The following PRKG1 variants were observed in gnomAD, a reference collection of about 807,000 sequenced individuals.
PRKG1 encodes the protein protein kinase cGMP-dependent 1, also known as cGMP-dependent protein kinase 1.
In PRKG1, 35 loss-of-function variants were observed where a neutral mutation model predicts 88.1. The ratio of observed to expected loss-of-function variants is 0.40; its 90% CI spans 0.30 to 0.53. PRKG1 has a LOEUF of 0.53. PRKG1 is among the 20% of genes least tolerant of loss of function. PRKG1 has a pLI of 0.59. For missense variants in PRKG1, 540 were observed against 839.8 expected (o/e 0.64, Z 4.41); for synonymous variants, 303 against 292.5 (o/e 1.04, Z -0.37).
At chr10:51,005,357 A>G (rs1190031253) in intron 1 of PRKG1, among the ~76,000 whole-genome samples, 1 of 152,192 alleles carries the variant, frequency 6.6e-6, no homozygotes, top group Admixed American at 6.5e-5. Flanking sequence ...GTAAGTTTAT[A>G]GTGCCTCTTG....
chr10:51,725,302 A>G (rs1842104569), intron 3 of PRKG1, among the ~76,000 whole-genome samples: 1 of 152,166 alleles, frequency 6.6e-6, no homozygotes. Flanking sequence ...TGCACTGGCC[A>G]TTTCCTTCCA....
intron 3 of PRKG1, among the ~76,000 whole-genome samples, chr10:51,760,283 G>A (rs1044070797): frequency 6.6e-5 from 10 of 152,076 alleles, no homozygotes; most frequent in Non-Finnish European, 1.5e-4. Context: ...ATCACTGACT[G>A]TCAGTAAGCA....
chr10:51,106,024 T>A (rs1171274136), intron 1 of PRKG1, among the ~76,000 whole-genome samples: 1 of 152,196 alleles, frequency 6.6e-6, no homozygotes, highest in African/African-American at 2.4e-5. Context: ...TTTCCCAACA[T>A]GATTTCCACT....
intron 2 of PRKG1, among the ~76,000 whole-genome samples, chr10:51,337,351 G>T (rs557091673): frequency 5.1e-4 from 78 of 152,190 alleles, no homozygotes; most frequent in African/African-American, 1.9e-3. Context: ...ATAGGCAAAG[G>T]CAGAAACTTC....
chr10:51,952,822 T>C (rs765199802), intron 5 of PRKG1, among the ~76,000 whole-genome samples: 12 of 152,160 alleles, frequency 7.9e-5, no homozygotes, highest in Non-Finnish European at 1.6e-4. Context: ...AAAATAATTA[T>C]GTATCTCAAA....
intron 2 of PRKG1, among the ~76,000 whole-genome samples, chr10:51,195,349 C>A (rs1837736051): frequency 6.6e-6 from 1 of 152,136 alleles, no homozygotes; most frequent in African/African-American, 2.4e-5. Flanking sequence ...CTCCTTAATT[C>A]AGTTCAAACG....
intron 1 of PRKG1, among the ~76,000 whole-genome samples, chr10:51,020,032 T>C (rs1045258206): frequency 6.6e-6 from 1 of 152,156 alleles, no homozygotes; most frequent in Non-Finnish European, 1.5e-5. Flanking sequence ...AAATTGGAAG[T>C]CTTGTGTGTT....
intron 3 of PRKG1, among the ~76,000 whole-genome samples, chr10:51,525,184 G>A (rs1841846803): frequency 6.7e-6 from 1 of 150,300 alleles, no homozygotes; most frequent in African/African-American, 2.5e-5. Flanking sequence ...AAGAGGAGGA[G>A]GGAGAGTAGG....
At chr10:51,211,496 C>A (rs145559334) in intron 2 of PRKG1, among the ~76,000 whole-genome samples, 1,530 of 152,112 alleles carry the variant, frequency 0.01, 31 homozygotes, top group African/African-American at 0.035. Flanking sequence ...GAATAAAGGG[C>A]ATTCAATTAG....
intron 8 of PRKG1, among the ~76,000 whole-genome samples, chr10:52,159,529 C>A (rs1838224224): frequency 6.6e-6 from 1 of 151,596 alleles, no homozygotes. Context: ...AAAACTCCAT[C>A]TAGCATAACC....
At chr10:51,512,267 A>G (rs1240050663) in intron 3 of PRKG1, among the ~76,000 whole-genome samples, 1 of 147,890 alleles carries the variant, frequency 6.8e-6, no homozygotes, top group African/African-American at 2.5e-5. Context: ...ATATGTATAC[A>G]TGTGCCATGC....
At chr10:52,008,771 T>C (rs1287038994) in intron 5 of PRKG1, among the ~76,000 whole-genome samples, 3 of 151,744 alleles carry the variant, frequency 2.0e-5, no homozygotes, top group African/African-American at 7.2e-5. Context: ...GTAATAGATA[T>C]AAAAATCCTC....
chr10:51,894,239 G>A (rs1937667), intron 4 of PRKG1, among the ~76,000 whole-genome samples: 110,721 of 152,086 alleles, frequency 0.73, 40,498 homozygotes, highest in African/African-American at 0.79. Flanking sequence ...CTTCCTGCAC[G>A]TTAAAATTAT....
At chr10:51,904,634 G>C (rs2132940339) in intron 4 of PRKG1, among the ~76,000 whole-genome samples, 1 of 152,154 alleles carries the variant, frequency 6.6e-6, no homozygotes, top group East Asian at 1.9e-4. Context: ...TATTTTTCCT[G>C]TTAAATGGTT....
At chr10:51,755,980 C>T (rs1589260842) in intron 3 of PRKG1, among the ~76,000 whole-genome samples, 1 of 152,134 alleles carries the variant, frequency 6.6e-6, no homozygotes, top group South Asian at 2.1e-4. Context: ...TTGCATTTAT[C>T]GTTATTTAAA....
At chr10:52,100,652 AGAGACTACT>A (rs2132565251) in intron 7 of PRKG1, among the ~76,000 whole-genome samples, 1 of 152,326 alleles carries the variant, frequency 6.6e-6, no homozygotes, top group African/African-American at 2.4e-5. Flanking sequence ...TCTGTTGCCA[AGAGACTACT>A]CACTTTATGT....
intron 4 of PRKG1, among the ~76,000 whole-genome samples, chr10:51,888,013 A>T (rs1264841886): frequency 6.6e-6 from 1 of 152,196 alleles, no homozygotes; most frequent in East Asian, 1.9e-4. Context: ...ATATAAGAGG[A>T]TATATCTCAT....
intron 4 of PRKG1, among the ~76,000 whole-genome samples, chr10:51,827,704 T>G (rs1589326830): frequency 6.6e-6 from 1 of 152,278 alleles, no homozygotes; most frequent in Middle Eastern, 3.4e-3. Context: ...TATTGCTATG[T>G]CTTTCACTGC....
chr10:52,083,349 T>G (rs1434756104), intron 7 of PRKG1, among the ~76,000 whole-genome samples: 1 of 152,106 alleles, frequency 6.6e-6, no homozygotes, highest in Non-Finnish European at 1.5e-5. Context: ...TATAATTATC[T>G]TGATAATATA....
Sources: allele counts gnomAD v4.1 joint callset (sites outside exome capture counted in the v4.1 genomes callset), GRCh38; gene constraint gnomAD v4.1.1; transcripts MANE v1.5; gene names NCBI Gene and HGNC (gene_info 2026-07-23, HGNC 2026-07-21).